ZNRF2: variants seen among roughly 807,000 people sequenced by gnomAD.
The protein encoded by ZNRF2 is zinc and ring finger 2.
In ZNRF2, 16 loss-of-function variants were observed where a neutral mutation model predicts 20.4. That is an observed-to-expected ratio of 0.79 (90% CI 0.53 to 1.19). ZNRF2 has a LOEUF of 1.19. ZNRF2 is among the 50% of genes most tolerant of loss of function. The pLI is 0.00. For synonymous variants in ZNRF2, 178 were observed against 144.9 expected (o/e 1.23, Z -1.64); for missense variants, 363 against 332.4 (o/e 1.09, Z -0.72).
intron 2 of ZNRF2, among the ~76,000 whole-genome samples, chr7:30,336,536 C>T (rs992040190): frequency 1.3e-5 from 2 of 151,994 alleles, no homozygotes; most frequent in Admixed American, 6.6e-5. Flanking sequence ...GTATTGTAGG[C>T]ATAGAGATGT....
At position 30,323,542 on chromosome 7, in the gene ZNRF2, A is replaced by G. The variant is rs914221805; in HGVS notation, c.470-100A>G. 3.8e-5 allele frequency: 27 copies of G among 719,600 alleles called. No individual in the cohort carries two copies. The South Asian group carries it at 4.3e-4, about 12-fold the overall frequency. The allele number at this position is 719,600 out of a possible 1,614,324, so 44.6% of individuals were successfully genotyped here. On this transcript the variant is annotated intron_variant, in intron 1 of 4. Transcript: ENST00000323037. Reference sequence around the variant, plus strand: ...TAAACAGTGTAATGCAGTAAGTGTAATATTGAAGTTTCAAACGCTTTTTGA... The same window carrying G: ...TAAACAGTGTAATGCAGTAAGTGTAGTATTGAAGTTTCAAACGCTTTTTGA...
At chr7:30,314,960 T>A (rs1298498482) in intron 1 of ZNRF2, among the ~76,000 whole-genome samples, 1 of 151,830 alleles carries the variant, frequency 6.6e-6, no homozygotes, top group African/African-American at 2.4e-5. Context: ...GGGACTACAG[T>A]CGCCTGCCAC....
chr7:30,289,532 CTCTT>C (rs1385257679), intron 1 of ZNRF2, among the ~76,000 whole-genome samples: 4 of 152,142 alleles, frequency 2.6e-5, no homozygotes, highest in Non-Finnish European at 4.4e-5. Flanking sequence ...GAATGTTTGC[CTCTT>C]TCTAAGAAAA....
At chr7:30,333,341 A>C (rs1445786368) in intron 2 of ZNRF2, among the ~76,000 whole-genome samples, 1 of 145,862 alleles carries the variant, frequency 6.9e-6, no homozygotes, top group African/African-American at 2.6e-5. Flanking sequence ...GGCATGAGCC[A>C]CTGCGCCTGG....
At chr7:30,322,048 A>C (rs1216669669) in intron 1 of ZNRF2, among the ~76,000 whole-genome samples, 1 of 151,700 alleles carries the variant, frequency 6.6e-6, no homozygotes, top group East Asian at 1.9e-4. Flanking sequence ...ATAATGTTTT[A>C]AGGAAGTTTA....
At chr7:30,345,868 C>G (rs554002518) in intron 2 of ZNRF2, among the ~76,000 whole-genome samples, 1 of 152,052 alleles carries the variant, frequency 6.6e-6, no homozygotes, top group Non-Finnish European at 1.5e-5. Flanking sequence ...CCCATAGTTG[C>G]GTTACAGTTC....
intron 1 of ZNRF2, among the ~76,000 whole-genome samples, chr7:30,295,673 G>A (rs1275049385): frequency 6.6e-6 from 1 of 152,212 alleles, no homozygotes; most frequent in Non-Finnish European, 1.5e-5. Flanking sequence ...TTGCACCACT[G>A]CACTCCAGCC....
At chr7:30,349,927 T>C (rs1180537244) in intron 2 of ZNRF2, among the ~76,000 whole-genome samples, 1 of 152,136 alleles carries the variant, frequency 6.6e-6, no homozygotes, top group Non-Finnish European at 1.5e-5. Context: ...TTTTAAGTTT[T>C]AGTTTATTGT....
At chr7:30,336,585 T>G (rs1799719178) in intron 2 of ZNRF2, among the ~76,000 whole-genome samples, 1 of 152,184 alleles carries the variant, frequency 6.6e-6, no homozygotes, top group Non-Finnish European at 1.5e-5. Flanking sequence ...TTTAATTTTT[T>G]TGTTAATTTC....
chr7:30,319,337 T>TA (rs1189907902), intron 1 of ZNRF2, among the ~76,000 whole-genome samples: 1 of 152,168 alleles, frequency 6.6e-6, no homozygotes, highest in Non-Finnish European at 1.5e-5. Flanking sequence ...ACTGAATACT[T>TA]ACTATGTTGC....
intron 2 of ZNRF2, among the ~76,000 whole-genome samples, chr7:30,343,911 C>CTTT (rs34643391): frequency 0.016 from 1,309 of 81,404 alleles, 94 homozygotes; most frequent in African/African-American, 0.057. Flanking sequence ...GGGTGGCCAG[C>CTTT]TTTTTTTTTT....
At chr7:30,321,610 G>A (rs538079496) in intron 1 of ZNRF2, among the ~76,000 whole-genome samples, 1 of 152,216 alleles carries the variant, frequency 6.6e-6, no homozygotes, top group South Asian at 2.1e-4. Context: ...TGGCTCTCAA[G>A]TGAGGCTTTT....
intron 1 of ZNRF2, among the ~76,000 whole-genome samples, chr7:30,293,937 T>G (rs899096569): frequency 6.6e-6 from 1 of 152,216 alleles, no homozygotes; most frequent in African/African-American, 2.4e-5. Flanking sequence ...ATTTACCTAT[T>G]TATATGTGAG....
chr7:30,294,312 C>A (rs1363968278), intron 1 of ZNRF2, among the ~76,000 whole-genome samples: 1 of 152,138 alleles, frequency 6.6e-6, no homozygotes, highest in Non-Finnish European at 1.5e-5. Context: ...TGGATACTTA[C>A]CATTTTCATT....
intron 2 of ZNRF2, among the ~76,000 whole-genome samples, chr7:30,338,097 C>T (rs761291747): frequency 3.7e-4 from 56 of 152,200 alleles, no homozygotes; most frequent in Non-Finnish European, 6.8e-4. Flanking sequence ...GGATAAACTG[C>T]AATATATTAA....
chr7:30,305,547 C>A (rs972134747), intron 1 of ZNRF2, among the ~76,000 whole-genome samples: 2 of 151,902 alleles, frequency 1.3e-5, no homozygotes, highest in Admixed American at 6.6e-5. Flanking sequence ...AACAAATAAC[C>A]ACCCAGAATT....
chr7:30,341,226 CTT>C (rs1178158878), intron 2 of ZNRF2, among the ~76,000 whole-genome samples: 2 of 151,808 alleles, frequency 1.3e-5, no homozygotes, highest in African/African-American at 4.8e-5. Flanking sequence ...TTTTGTGTCT[CTT>C]ATCTCCTTCA....
Position 30,285,744 on chromosome 7 carries a change from C to T in ZNRF2, c.387C>T (p.Asp129=), listed in dbSNP as rs763439410. ...CTGAGGACGGCGGCGGCGGCCGGGA[C>T]CGGCCGGTGGGCGGGAGCCCCGGCG... ...SSPEDGGGGR[D]RPVGGSPGGP... Residue 129 remains aspartate (D), a synonymous_variant, in exon 1 of 5, where the codon GAC becomes GAT. Transcript: ENST00000323037. The T allele has an allele frequency of 1.8e-5, 27 of 1,478,304 alleles. No individual in the cohort carries two copies. Among genetic ancestry groups the T allele is most frequent in the Non-Finnish European group, 2.3e-5 (26 of 1,121,032 alleles). 91.6% of individuals were successfully genotyped at this position (1,478,304 alleles called of 1,614,324 possible). A position where few individuals can be genotyped will look rare whatever the true frequency, so the allele number is the denominator to read the frequency against.
At chr7:30,323,592 A>G in intron 1 of ZNRF2, 50 bp from the exon 2 acceptor site, 1 of 1,225,108 alleles carries the variant, frequency 8.2e-7, no homozygotes, top group Non-Finnish European at 1.2e-6. Context: ...TAAAAGCCAT[A>G]GCTGGATATT....
Sources: allele counts gnomAD v4.1 joint callset (sites outside exome capture counted in the v4.1 genomes callset), GRCh38; gene constraint gnomAD v4.1.1; transcripts MANE v1.5; gene names NCBI Gene and HGNC (gene_info 2026-07-23, HGNC 2026-07-21).